Variants in DOCK8 observed in about 807,000 individuals in gnomAD.
The protein encoded by DOCK8 is dedicator of cytokinesis protein 8.
A neutral mutation model predicts 245.6 loss-of-function variants in DOCK8; 141 were observed. The ratio of observed to expected loss-of-function variants is 0.57; its 90% confidence interval spans 0.50 to 0.66. The LOEUF is 0.66. Ranked by LOEUF, DOCK8 falls within the 30% of genes least tolerant of loss-of-function variation. The pLI is 0.00. For synonymous variants in DOCK8, 1,168 were observed against 970.2 expected, an observed-to-expected ratio of 1.20 and a Z score of -3.79; for missense variants, 2,965 against 2,603.4, an observed-to-expected ratio of 1.14 and a Z score of -3.02.
intron 4 of DOCK8, among the ~76,000 whole-genome samples, chr9:296,352 C>G (rs1325917556): frequency 2.0e-5 from 3 of 152,154 alleles, no homozygotes; most frequent in African/African-American, 4.8e-5. Flanking sequence ...GTTTTTGATG[C>G]CTGGTGGAGA....
intron 9 of DOCK8, among the ~76,000 whole-genome samples, chr9:329,254 A>T (rs1173670061): frequency 6.6e-6 from 1 of 152,110 alleles, no homozygotes; most frequent in Non-Finnish European, 1.5e-5. Flanking sequence ...GCCCGGCCGT[A>T]AAATCATTGT....
intron 1 of DOCK8, among the ~76,000 whole-genome samples, chr9:260,880 A>G (rs1467134115): frequency 1.3e-5 from 2 of 152,244 alleles, no homozygotes; most frequent in Admixed American, 6.5e-5. Context: ...CAATGGGTGA[A>G]CACTACAACA....
At chr9:269,635 G>C (rs1206017977) in intron 1 of DOCK8, among the ~76,000 whole-genome samples, 2 of 145,500 alleles carry the variant, frequency 1.4e-5, no homozygotes, top group African/African-American at 2.6e-5. Flanking sequence ...AGCTCACTGT[G>C]ACCTCCGCCT....
At chr9:403,968 ATATATATG>A (rs1564021844) in intron 26 of DOCK8, among the ~76,000 whole-genome samples, 1 of 72,558 alleles carries the variant, frequency 1.4e-5, no homozygotes, top group African/African-American at 1.0e-4. Flanking sequence ...ATGTATATAT[ATATATATG>A]TGTATATATA....
chr9:234,040 G>C (rs954379969), intron 1 of DOCK8, among the ~76,000 whole-genome samples: 27 of 152,144 alleles, frequency 1.8e-4, no homozygotes, highest in African/African-American at 5.8e-4. Flanking sequence ...GGTACTGGTT[G>C]TTCCTTTCCA....
chr9:326,480 C>T (rs1232934253), intron 8 of DOCK8, among the ~76,000 whole-genome samples: 1 of 152,200 alleles, frequency 6.6e-6, no homozygotes, highest in Non-Finnish European at 1.5e-5. Flanking sequence ...ACACAGATTG[C>T]TGGACCTCAC....
At chr9:229,842 G>A (rs990863480) in intron 1 of DOCK8, among the ~76,000 whole-genome samples, 4 of 151,398 alleles carry the variant, frequency 2.6e-5, no homozygotes, top group African/African-American at 9.7e-5. Flanking sequence ...ACCATCCAAT[G>A]GTTTAAACAA....
chr9:266,930 T>C (rs2048046961), intron 1 of DOCK8, among the ~76,000 whole-genome samples: 1 of 152,184 alleles, frequency 6.6e-6, no homozygotes, highest in African/African-American at 2.4e-5. Context: ...GAATCAAATG[T>C]AGAGGAAAAT....
intron 1 of DOCK8, 74 bp downstream of exon 1, chr9:215,103 G>A (rs1403360980): frequency 1.3e-6 from 2 of 1,511,880 alleles, no homozygotes; most frequent in Non-Finnish European, 1.8e-6. Flanking sequence ...CTTCGCTGCA[G>A]GGGCCGAGGC....
chr9:227,818 G>A (rs997371669), intron 1 of DOCK8, among the ~76,000 whole-genome samples: 1 of 152,088 alleles, frequency 6.6e-6, no homozygotes, highest in African/African-American at 2.4e-5. Context: ...TGGGCCTAGA[G>A]GAAGAGTCAC....
chr9:406,510 AG>A lies in DOCK8; in HGVS notation c.3391-419del, dbSNP rs371128248. 5.4e-3 allele frequency among the ~76,000 whole-genome samples: 788 copies of A among 146,678 alleles called. 9 individuals carry two copies. Among genetic ancestry groups the A allele is most frequent in the African/African-American group, 0.019 (764 of 40,146 alleles). On this transcript the variant is annotated intron_variant, in intron 27 of 47. Coordinates refer to ENST00000432829, the MANE Select transcript of DOCK8 (RefSeq NM_203447.4). The stretch of plus-strand genomic sequence containing the variant: ...TTTCAAAAAAAAAAAAAAAAAAAAA[AG>A]AAGGTACCTGAGTAAGCAGGGCCTT...
intron 1 of DOCK8, among the ~76,000 whole-genome samples, chr9:267,390 G>C (rs2048061239): frequency 6.6e-6 from 1 of 152,130 alleles, no homozygotes. Flanking sequence ...ATTTTTTGTA[G>C]AGACTGGGTT....
intron 14 of DOCK8, among the ~76,000 whole-genome samples, chr9:350,199 A>C (rs183992828): frequency 6.6e-6 from 1 of 152,274 alleles, no homozygotes; most frequent in East Asian, 1.9e-4. Flanking sequence ...TGCAGCCTCA[A>C]ACTGCTGGGC....
At chr9:281,719 G>A (rs2048595435) in intron 2 of DOCK8, among the ~76,000 whole-genome samples, 1 of 152,120 alleles carries the variant, frequency 6.6e-6, no homozygotes, top group African/African-American at 2.4e-5. Context: ...TGATAGTTTA[G>A]AGAACAGAAA....
chr9:277,443 GAGGAGAAGAGA>G (rs1244172185), intron 2 of DOCK8, among the ~76,000 whole-genome samples: 43 of 124,908 alleles, frequency 3.4e-4, no homozygotes, highest in African/African-American at 1.3e-3. Flanking sequence ...AAAGAGAAGA[GAGGAGAAGAGA>G]AAGAGAGAAG....
At chr9:422,425 A>C (rs1250644851) in intron 33 of DOCK8, among the ~76,000 whole-genome samples, 1 of 152,210 alleles carries the variant, frequency 6.6e-6, no homozygotes, top group Non-Finnish European at 1.5e-5. Context: ...GGAGGGTAGC[A>C]GGGAAATAGA....
intron 5 of DOCK8, among the ~76,000 whole-genome samples, chr9:306,012 G>A (rs908342936): frequency 6.6e-6 from 1 of 152,166 alleles, no homozygotes; most frequent in Non-Finnish European, 1.5e-5. Flanking sequence ...ATGGATGCTG[G>A]TGATGGTTAT....
intron 16 of DOCK8, among the ~76,000 whole-genome samples, chr9:371,125 C>A (rs1311104289): frequency 2.6e-5 from 4 of 152,122 alleles, no homozygotes; most frequent in Non-Finnish European, 5.9e-5. Flanking sequence ...CAAACCTCAT[C>A]CTTTCTTCAA....
intron 33 of DOCK8, among the ~76,000 whole-genome samples, chr9:424,536 A>G (rs1406768005): frequency 6.6e-6 from 1 of 152,012 alleles, no homozygotes; most frequent in East Asian, 1.9e-4. Flanking sequence ...CAGCCTCCCA[A>G]GTAGATGGGA....
Sources: allele counts gnomAD v4.1 joint callset (sites outside exome capture counted in the v4.1 genomes callset), GRCh38; gene constraint gnomAD v4.1.1; transcripts MANE v1.5; gene names NCBI Gene and HGNC (gene_info 2026-07-23, HGNC 2026-07-21).